The following ITGA8 variants were observed in gnomAD, a reference collection of about 807,000 sequenced individuals.
ITGA8 encodes the protein integrin alpha-8.
Under a neutral mutation model 142.3 loss-of-function variants are expected in ITGA8, and 91 were observed. That is an observed-to-expected ratio of 0.64 (90% CI 0.54 to 0.76). The LOEUF is 0.76. Ranked by LOEUF, ITGA8 falls within the 30% of genes least tolerant of loss-of-function variation. The pLI is 0.00. For synonymous variants in ITGA8, 505 were observed against 485.2 expected (o/e 1.04, Z -0.54); for missense variants, 1,406 against 1,327.7 (o/e 1.06, Z -0.92).
At chr10:15,532,920 A>T (rs74964495) in intron 27 of ITGA8, among the ~76,000 whole-genome samples, 4,840 of 152,310 alleles carry the variant, frequency 0.032, 200 homozygotes, top group East Asian at 0.18. Context: ...ATTTATGTCT[A>T]CTGTATCTGT....
chr10:15,655,283 G>A (rs1834162481), intron 11 of ITGA8, 71 bp downstream of exon 11: 4 of 1,042,530 alleles, frequency 3.8e-6, no homozygotes, highest in East Asian at 2.6e-5. Context: ...GGTGTATTTT[G>A]TGAAGGAAAA....
chr10:15,639,311 C>T (rs148028575), intron 13 of ITGA8, among the ~76,000 whole-genome samples: 6 of 152,152 alleles, frequency 3.9e-5, no homozygotes, highest in South Asian at 4.2e-4. Context: ...AGAGAAAAGG[C>T]GCATCTGACT....
At chr10:15,562,472 G>C (rs915490426) in intron 25 of ITGA8, among the ~76,000 whole-genome samples, 1 of 152,166 alleles carries the variant, frequency 6.6e-6, no homozygotes, top group African/African-American at 2.4e-5. Flanking sequence ...GTAAAAGCGT[G>C]TTTCAAGTAA....
chr10:15,628,584 G>A (rs1486939427), intron 13 of ITGA8, among the ~76,000 whole-genome samples: 1 of 151,612 alleles, frequency 6.6e-6, no homozygotes, highest in Admixed American at 6.6e-5. Context: ...TGCTCGCCTT[G>A]GCCTCCCAAA....
At chr10:15,647,584 T>TC (rs1834008665) in intron 11 of ITGA8, among the ~76,000 whole-genome samples, 1 of 147,442 alleles carries the variant, frequency 6.8e-6, no homozygotes, top group Non-Finnish European at 1.5e-5. Flanking sequence ...TGCCTCAGCC[T>TC]CCCGAGTAGC....
chr10:15,708,099 G>A (rs1326171347), intron 2 of ITGA8, among the ~76,000 whole-genome samples: 2 of 152,022 alleles, frequency 1.3e-5, no homozygotes, highest in Non-Finnish European at 2.9e-5. Context: ...TTTGTTAGTG[G>A]ACGTACTCCA....
chr10:15,684,063 G>T lies in ITGA8; in HGVS notation c.509C>A (p.Thr170Asn). ...KPTPEKDPVG[T>N]CYVAIQNFSA... ...GAAGTTCTGAATTGCTACATAGCAGGTGCCAACTGGGTCCTTTTCTGGTGT... is the reference window on the plus strand; with the variant it reads ...GAAGTTCTGAATTGCTACATAGCAGTTGCCAACTGGGTCCTTTTCTGGTGT... The change falls in exon 4 of 30, where the codon ACC becomes AAC. Residue 170 changes from threonine to asparagine, a missense_variant. Coordinates refer to ENST00000378076, the MANE Select transcript of ITGA8 (RefSeq NM_003638.3). 6.2e-7 allele frequency: 1 copy of T among 1,614,146 alleles called. No homozygotes were observed. The highest frequency in any genetic ancestry group is 8.5e-7 in the Non-Finnish European group (1 of 1,180,006).
intron 19 of ITGA8, among the ~76,000 whole-genome samples, chr10:15,605,204 C>G (rs1833172673): frequency 6.6e-6 from 1 of 152,154 alleles, no homozygotes; most frequent in Admixed American, 6.6e-5. Flanking sequence ...TGGGGGCGTC[C>G]ATTACTGGCA....
rs542432093 is a variant in ITGA8 at position 15,670,511 on chromosome 10, G to C, written c.847+1092C>G. ...GCTGTTTCCGGTATGAATCTATTAC[G>C]AGCAACACATGGTCTAGTCTTTGTA... On this transcript the variant is annotated intron_variant, in intron 8 of 29. Coordinates refer to ENST00000378076, the MANE Select transcript of ITGA8 (RefSeq NM_003638.3). 3.3e-5 allele frequency among the ~76,000 whole-genome samples: 5 copies of C among 152,204 alleles called. No individual in the cohort carries two copies. In the East Asian group the frequency reaches 9.7e-4, roughly 29 times the overall value.
In ITGA8 at chr10:15,686,452, T is replaced by C. The variant is rs75940726; in HGVS notation, c.444+1486A>G. On this transcript the variant is annotated intron_variant, in intron 3 of 29. Coordinates refer to ENST00000378076, the MANE Select transcript of ITGA8 (RefSeq NM_003638.3). ...CCAACTGGCCTCACCTTCTGTTTCA[T>C]CAAAAGGCATTTCATGCCATGAAAA... 6.7e-3 allele frequency among the ~76,000 whole-genome samples: 1,021 copies of C among 152,338 alleles called. 8 individuals are homozygous for C. The highest frequency in any genetic ancestry group is 0.023 in the African/African-American group (956 of 41,580).
At chr10:15,614,353 C>G (rs139673051) in intron 14 of ITGA8, among the ~76,000 whole-genome samples, 175 of 152,244 alleles carry the variant, frequency 1.1e-3, no homozygotes, top group African/African-American at 4.0e-3. Context: ...GTTCTCAATC[C>G]TGACTGCACA....
At position 15,662,602 on chromosome 10, in the gene ITGA8, G is replaced by C. The variant is rs539944847; in HGVS notation, c.848-1680C>G. ...CATCCACCTGCTTCGGCCTCCTAGA[G>C]TGCTGGGATTACAGGCCTGAGCCAC... On this transcript the variant is annotated intron_variant, in intron 8 of 29. Transcript: ENST00000378076. Among the ~76,000 whole-genome samples the C allele has an allele frequency of 2.0e-5, 3 of 152,192 alleles. No homozygotes were observed. The South Asian group carries it at 6.2e-4, about 32-fold the overall frequency.
chr10:15,696,651 A>T (rs930406708), intron 2 of ITGA8, among the ~76,000 whole-genome samples: 5 of 152,090 alleles, frequency 3.3e-5, no homozygotes, highest in African/African-American at 1.2e-4. Context: ...CACATATCCT[A>T]ATTTTATATG....
intron 8 of ITGA8, among the ~76,000 whole-genome samples, chr10:15,665,685 A>T (rs1834376909): frequency 6.6e-6 from 1 of 152,212 alleles, no homozygotes; most frequent in African/African-American, 2.4e-5. Context: ...TCTTGAATTA[A>T]TTTTTGTATA....
chr10:15,610,852 G>A (rs1833280877), intron 15 of ITGA8, among the ~76,000 whole-genome samples: 1 of 152,086 alleles, frequency 6.6e-6, no homozygotes, highest in Non-Finnish European at 1.5e-5. Context: ...GGACAACTGG[G>A]TCGTTACTCA....
intron 28 of ITGA8, among the ~76,000 whole-genome samples, chr10:15,524,141 T>C (rs1023199453): frequency 6.6e-6 from 1 of 152,172 alleles, no homozygotes; most frequent in Non-Finnish European, 1.5e-5. Context: ...AGGACATCCA[T>C]ATGGTACTGA....
chr10:15,517,043 C>CGTATCATTAAAAA lies in ITGA8; in HGVS notation c.*114_*115insTTTTTAATGATAC. 5.4e-6 allele frequency: 3 copies of CGTATCATTAAAAA among 551,540 alleles called. No homozygotes were observed. The highest frequency in any genetic ancestry group is 7.3e-5 in the South Asian group (2 of 27,304). 34.2% of individuals were successfully genotyped at this position (551,540 alleles called of 1,614,324 possible). ...GAGGTGATGTTTCCAGGGTCCCCTCCATTTCCTGGGTCACTGTCAGGTATC... is the reference window on the plus strand; with the variant it reads ...GAGGTGATGTTTCCAGGGTCCCCTCCGTATCATTAAAAAATTTCCTGGGTCACTGTCAGGTATC... On this transcript the variant is annotated 3_prime_UTR_variant, in exon 30 of 30. Transcript: ENST00000378076.
intron 8 of ITGA8, among the ~76,000 whole-genome samples, chr10:15,667,105 C>G (rs1164252779): frequency 3.3e-5 from 5 of 152,180 alleles, no homozygotes; most frequent in Non-Finnish European, 7.3e-5. Flanking sequence ...ACCAGCTCCT[C>G]TTTGCACCTC....
At chr10:15,660,784 T>G in intron 9 of ITGA8, 95 bp downstream of exon 9, 1 of 1,028,210 alleles carries the variant, frequency 9.7e-7, no homozygotes, top group Non-Finnish European at 1.5e-6. Flanking sequence ...CTGACAGTAT[T>G]TTCAATTTAT....
Sources: gnomAD v4.1 joint callset for allele counts (sites outside exome capture counted in the v4.1 genomes callset) on GRCh38, gnomAD v4.1.1 for gene constraint, MANE v1.5 for transcripts, NCBI Gene and HGNC (gene_info 2026-07-23, HGNC 2026-07-21) for gene names.